FAM3B: variants seen among roughly 807,000 people sequenced by gnomAD.
FAM3B encodes FAM3 metabolism regulating signaling molecule B, also known as protein FAM3B.
Under a neutral mutation model 28.4 loss-of-function variants are expected in FAM3B, and 29 were observed. The ratio of observed to expected loss-of-function variants is 1.02; its 90% CI spans 0.76 to 1.39. FAM3B has a LOEUF of 1.39. Ranked by LOEUF, FAM3B falls within the 40% of genes most tolerant of loss-of-function variation. The probability of loss-of-function intolerance (pLI) is 0.00; values close to 1 mark genes in which losing one functional copy is unlikely to be tolerated. For synonymous variants in FAM3B, 91 were observed against 103.0 expected (o/e 0.88, Z 0.71); for missense variants, 266 against 293.9 (o/e 0.91, Z 0.69).
intron 7 of FAM3B, among the ~76,000 whole-genome samples, chr21:41,355,365 G>T (rs2089156092): frequency 6.6e-6 from 1 of 152,144 alleles, no homozygotes; most frequent in Admixed American, 6.5e-5. Flanking sequence ...ACAAAAACTT[G>T]TGCACAAATG....
At chr21:41,356,040 TACACAC>T (rs59345837) in intron 7 of FAM3B, among the ~76,000 whole-genome samples, 5,185 of 119,892 alleles carry the variant, frequency 0.043, 160 homozygotes, top group African/African-American at 0.11. Flanking sequence ...AAAAAATACA[TACACAC>T]ACACACACAC....
rs1168140562 is a variant in FAM3B at position 41,311,251 on chromosome 21, AATATATAT to A, written n.99+6980_99+6987del. Among the ~76,000 whole-genome samples, 121 of 34,932 alleles carry A rather than the reference AATATATAT, an allele frequency of 3.5e-3. 1 individual carries two copies. The highest frequency in any genetic ancestry group is 8.4e-3 in the East Asian group (4 of 476). The allele number at this position is 34,932 out of a possible 152,430, so 22.9% of individuals were successfully genotyped here. On this transcript the variant is annotated intron_variant and non_coding_transcript_variant, in intron 1 of 9. Transcript: ENST00000479810. ...CCTGTCTCTACAAAAAAAAAAAAAA[AATATATAT>A]ATATATATATATATATATATATATA...
chr21:41,321,161 C>T (rs1048138119), intron 1 of FAM3B, among the ~76,000 whole-genome samples: 3 of 152,190 alleles, frequency 2.0e-5, no homozygotes, highest in South Asian at 2.1e-4. Context: ...ATACAGGGCA[C>T]GGCCTTTTCC....
Position 41,348,660 on chromosome 21 carries a change from G to A in FAM3B, c.554G>A (p.Arg185Lys). The A allele has an allele frequency of 6.2e-7, 1 of 1,614,212 alleles. No individual in the cohort carries two copies. Among genetic ancestry groups the A allele is most frequent in the Non-Finnish European group, 8.5e-7 (1 of 1,180,038 alleles). Residue 185 changes from arginine (R) to lysine (K), a missense_variant, in exon 7 of 8, where the codon AGG becomes AAG. Transcript: ENST00000357985. ...GSKEIRNMKF[R>K]SSWVFIAAKG... ...AAAGAAATCAGGAACATGAAATTCA[G>A]GTCTAGCTGGGTATTTATTGCAGCA...
At chr21:41,317,619 G>A (rs1351861493) in intron 1 of FAM3B, among the ~76,000 whole-genome samples, 1 of 152,042 alleles carries the variant, frequency 6.6e-6, no homozygotes, top group Non-Finnish European at 1.5e-5. Context: ...GAAGAACATG[G>A]ATTCCTCCTG....
At chr21:41,325,831 C>T (rs2088850423) in intron 2 of FAM3B, among the ~76,000 whole-genome samples, 1 of 152,242 alleles carries the variant, frequency 6.6e-6, no homozygotes, top group African/African-American at 2.4e-5. Context: ...GCTGTGCGAG[C>T]TCTATAGCTG....
chr21:41,350,903 AC>A (rs1057368264), intron 7 of FAM3B, among the ~76,000 whole-genome samples: 3 of 151,812 alleles, frequency 2.0e-5, no homozygotes, highest in African/African-American at 7.3e-5. Flanking sequence ...ACCTTATCTA[AC>A]CACCCCAGCT....
intron 2 of FAM3B, among the ~76,000 whole-genome samples, 179 bp downstream of exon 2, chr21:41,323,245 G>A (rs964599312): frequency 2.6e-5 from 4 of 152,154 alleles, no homozygotes; most frequent in South Asian, 2.1e-4. Context: ...GGCACGTGCC[G>A]CTGCTGACCC....
Position 41,323,073 on chromosome 21 carries a change from G to A in FAM3B, c.163+7G>A, listed in dbSNP as rs373503940. ...GAGAGGCCTGTCCTCAAAGGTGAGT[G>A]CCGTGCTTGGGGCAGACGGCTGCCT... On this transcript the variant is annotated splice_region_variant and intron_variant, in intron 2 of 7. Coordinates refer to ENST00000357985, the MANE Select transcript of FAM3B (RefSeq NM_058186.4). 3 of 1,602,238 alleles carry A rather than the reference G, an allele frequency of 1.9e-6. No homozygotes were observed. Among genetic ancestry groups the A allele is most frequent in the Non-Finnish European group, 2.5e-6 (3 of 1,179,778 alleles).
In FAM3B at chr21:41,310,802, G is replaced by A. The variant is rs908872948; in HGVS notation, n.99+6492G>A. On this transcript the variant is annotated intron_variant and non_coding_transcript_variant, in intron 1 of 9. Transcript: ENST00000479810. ...AAGCCTGGCTGCTCCCAGCCCTGTA[G>A]GGTGAAGGGCAGCTGCATAAGTAAT... 2.4e-4 allele frequency among the ~76,000 whole-genome samples: 37 copies of A among 152,292 alleles called. 1 individual carries two copies. Among genetic ancestry groups the A allele is most frequent in the Middle Eastern group, 6.8e-3 (2 of 294 alleles).
chr21:41,321,957 GTCTC>G (rs553025247), intron 1 of FAM3B, among the ~76,000 whole-genome samples: 7 of 151,052 alleles, frequency 4.6e-5, no homozygotes, highest in Non-Finnish European at 7.4e-5. Flanking sequence ...TTTCCTCCCT[GTCTC>G]TCTCCCTCCT....
chr21:41,346,344 T>C (rs2089059685), intron 5 of FAM3B: 1 of 152,834 alleles, frequency 6.5e-6, no homozygotes, highest in African/African-American at 2.4e-5. Context: ...ACCCACCCAA[T>C]AAGAAGGACA....
intron 1 of FAM3B, among the ~76,000 whole-genome samples, chr21:41,321,734 C>T (rs1021971106): frequency 6.6e-6 from 1 of 152,236 alleles, no homozygotes; most frequent in African/African-American, 2.4e-5. Flanking sequence ...CAAGCAATAG[C>T]ACACGCTGCC....
At chr21:41,353,017 C>T (rs946900652) in intron 7 of FAM3B, among the ~76,000 whole-genome samples, 2 of 152,218 alleles carry the variant, frequency 1.3e-5, no homozygotes, top group Non-Finnish European at 1.5e-5. Flanking sequence ...CTTCTCTTTA[C>T]TTGCAATGAA....
chr21:41,357,521 C>T lies in FAM3B; in HGVS notation c.*324C>T, dbSNP rs1468034590. The stretch of plus-strand genomic sequence containing the variant: ...TTATGATCAGATCGAAGTGTGACCC[C>T]TGTGTGGTCCAGACAGCCCTGCAGA... On this transcript the variant is annotated 3_prime_UTR_variant, in exon 8 of 8. Transcript: ENST00000357985. 1.0e-5 allele frequency: 2 copies of T among 190,670 alleles called. No homozygotes were observed. The highest frequency in any genetic ancestry group is 1.5e-4 in the East Asian group (1 of 6,746). The allele number at this position is 190,670 out of a possible 1,614,324, so 11.8% of individuals were successfully genotyped here. A position where few individuals can be genotyped will look rare whatever the true frequency, so the allele number is the denominator to read the frequency against.
chr21:41,327,969 A>T (rs1247462692), intron 2 of FAM3B, among the ~76,000 whole-genome samples: 1 of 152,196 alleles, frequency 6.6e-6, no homozygotes, highest in Non-Finnish European at 1.5e-5. Flanking sequence ...TTCACCCTCC[A>T]GCTGAGAGGA....
At chr21:41,310,365 T>C (rs950211605) in intron 1 of FAM3B, among the ~76,000 whole-genome samples, 2 of 152,176 alleles carry the variant, frequency 1.3e-5, no homozygotes, top group African/African-American at 2.4e-5. Context: ...CCACTCTTGG[T>C]GCTCCCATCT....
chr21:41,342,175 C>T (rs573478604), intron 3 of FAM3B, among the ~76,000 whole-genome samples: 67 of 152,314 alleles, frequency 4.4e-4, no homozygotes, highest in Non-Finnish European at 8.5e-4. Flanking sequence ...ATTCCACTGT[C>T]TTCTAGGTTC....
chr21:41,312,284 A>T (rs1362328880), upstream of FAM3B, among the ~76,000 whole-genome samples: 1 of 152,224 alleles, frequency 6.6e-6, no homozygotes, highest in Non-Finnish European at 1.5e-5. Flanking sequence ...TAATGATTGT[A>T]TATATGTATA....
Sources: allele counts gnomAD v4.1 joint callset (sites outside exome capture counted in the v4.1 genomes callset), GRCh38; gene constraint gnomAD v4.1.1; transcripts MANE v1.5; gene names NCBI Gene and HGNC (gene_info 2026-07-23, HGNC 2026-07-21).